The following RAD54L2 variants were observed in gnomAD, a reference collection of about 807,000 sequenced individuals.
RAD54L2 encodes the protein helicase ARIP4.
Under a neutral mutation model 138.4 loss-of-function variants are expected in RAD54L2, and 27 were observed. The ratio of observed to expected loss-of-function variants is 0.20; its 90% confidence interval spans 0.14 to 0.27. The LOEUF (loss-of-function observed/expected upper bound fraction) is 0.27. Among genes scored for constraint, RAD54L2 ranks in the 10% least tolerant of loss-of-function variants. The pLI, the probability that RAD54L2 is intolerant of heterozygous loss-of-function variation, is 1.00. For synonymous variants in RAD54L2, 644 were observed against 723.2 expected (o/e 0.89, Z 1.76); for missense variants, 1,396 against 1,890.2 (o/e 0.74, Z 4.85).
chr3:51,656,302 G>T, intron 20 of RAD54L2, 132 bp downstream of exon 20: 1 of 774,500 alleles, frequency 1.3e-6, no homozygotes. Flanking sequence ...AAAAAATAGG[G>T]AAGACAACAG....
At position 51,657,604 on chromosome 3, in the gene RAD54L2, G is replaced by A; in HGVS notation, c.3251G>A (p.Ser1084Asn). ...GATATTGTTATTCCTGGACTCAACA[G>A]CTCCACAGATGTACAGGCAAGAATT... is the stretch of plus-strand genomic sequence containing the variant. ...TTDIVIPGLN[S>N]STDVQARINA... Residue 1084 changes from serine (S) to asparagine (N), a missense_variant, in exon 21 of 23, where the codon AGC becomes AAC. By Grantham distance (46) the Ser-to-Asn change is conservative. Transcript: ENST00000684192. 6.3e-7 allele frequency: 1 copy of A among 1,581,256 alleles called. No homozygotes were observed. The highest frequency in any genetic ancestry group is 8.6e-7 in the Non-Finnish European group (1 of 1,160,380).
intron 2 of RAD54L2, among the ~76,000 whole-genome samples, chr3:51,564,552 C>A (rs1048873224): frequency 1.3e-5 from 2 of 152,128 alleles, no homozygotes; most frequent in African/African-American, 4.8e-5. Flanking sequence ...CTAAATAAGG[C>A]AAATCAGTAT....
At chr3:51,556,921 C>T (rs1698983037) in intron 2 of RAD54L2, among the ~76,000 whole-genome samples, 2 of 152,162 alleles carry the variant, frequency 1.3e-5, no homozygotes, top group African/African-American at 2.4e-5. Flanking sequence ...TCCTGCATTC[C>T]TCCTGAGCAA....
intron 2 of RAD54L2, among the ~76,000 whole-genome samples, chr3:51,556,582 C>A (rs949193585): frequency 6.4e-4 from 39 of 61,192 alleles, no homozygotes; most frequent in South Asian, 1.6e-3. Context: ...TTATCTATCT[C>A]TCTTTTTTTT....
At position 51,657,563 on chromosome 3, in the gene RAD54L2, A is replaced by G; in HGVS notation, c.3227-17A>G. ...AGGCCCCGTGCAATCTAAATTTAAG[A>G]TCTGTGTTTTTCCTAGATATTGTTA... On this transcript the variant is annotated splice_polypyrimidine_tract_variant and intron_variant, in intron 20 of 22. Coordinates refer to ENST00000684192, the MANE Select transcript of RAD54L2 (RefSeq NM_015106.4). 1 of 1,503,012 alleles carries G rather than the reference A, an allele frequency of 6.7e-7. No individual in the cohort carries two copies. Among genetic ancestry groups the G allele is most frequent in the Non-Finnish European group, 9.1e-7 (1 of 1,098,978 alleles). The allele number at this position is 1,503,012 out of a possible 1,614,324, so 93.1% of individuals were successfully genotyped here.
At chr3:51,661,751 A>G (rs957866184) in intron 22 of RAD54L2, among the ~76,000 whole-genome samples, 1 of 152,190 alleles carries the variant, frequency 6.6e-6, no homozygotes, top group African/African-American at 2.4e-5. Context: ...CCTAGATTTA[A>G]TGATGGTTAG....
chr3:51,663,409 A>G lies in RAD54L2; in HGVS notation c.4393A>G (p.Thr1465Ala). 1 of 1,610,204 alleles carries G rather than the reference A, an allele frequency of 6.2e-7. No individual in the cohort carries two copies. Reference sequence around the variant, plus strand: ...TAAAGACGATGATGTGATAGAGGTCACTGGGAAATAGCTAGGGAGCCCCTC... The same window carrying G: ...TAAAGACGATGATGTGATAGAGGTCGCTGGGAAATAGCTAGGGAGCCCCTC... ...EDKDDDVIEV[T>A]GK The change falls in exon 23 of 23, where the codon ACT (threonine) becomes GCT (alanine). Residue 1465 changes from threonine (T) to alanine (A), a missense_variant. Thr to Ala is a moderately conservative substitution (Grantham distance 58, BLOSUM62 0). Coordinates refer to ENST00000684192, the MANE Select transcript of RAD54L2 (RefSeq NM_015106.4).
intron 3 of RAD54L2, among the ~76,000 whole-genome samples, chr3:51,596,637 T>TG (rs1190959420): frequency 2.6e-5 from 4 of 152,332 alleles, no homozygotes; most frequent in East Asian, 1.9e-4. Context: ...CACTACCACT[T>TG]GCATTTCTTT....
At chr3:51,583,586 ATTT>A (rs34377858) in intron 2 of RAD54L2, among the ~76,000 whole-genome samples, 3 of 132,044 alleles carry the variant, frequency 2.3e-5, no homozygotes, top group African/African-American at 2.8e-5. Context: ...CGCCCAGCTA[ATTT>A]TTTTTTTTTT....
chr3:51,596,136 T>G (rs1699958465), intron 3 of RAD54L2, among the ~76,000 whole-genome samples: 1 of 1,476 alleles, frequency 6.8e-4, no homozygotes, highest in South Asian at 0.042. Flanking sequence ...CCATGTTGGC[T>G]GGGCTGGTCT....
intron 2 of RAD54L2, among the ~76,000 whole-genome samples, chr3:51,587,971 G>C (rs1409207210): frequency 6.6e-6 from 1 of 151,888 alleles, no homozygotes; most frequent in Non-Finnish European, 1.5e-5. Flanking sequence ...CACTTTGGGA[G>C]GTCAGGAGAT....
chr3:51,591,484 G>A (rs6445813), intron 3 of RAD54L2, among the ~76,000 whole-genome samples: 152,284 of 152,286 alleles, frequency 1, 76,141 homozygotes, highest in Middle Eastern at 1. Context: ...GTCTTTACTG[G>A]TGTTTACTAT....
At chr3:51,600,157 T>C (rs1700049565) in intron 3 of RAD54L2, among the ~76,000 whole-genome samples, 1 of 151,990 alleles carries the variant, frequency 6.6e-6, no homozygotes, top group African/African-American at 2.4e-5. Flanking sequence ...CTGGCCAGGC[T>C]GGTCTTGAAC....
chr3:51,650,858 A>G (rs1057333505), intron 19 of RAD54L2, among the ~76,000 whole-genome samples: 1 of 152,220 alleles, frequency 6.6e-6, no homozygotes, highest in African/African-American at 2.4e-5. Flanking sequence ...TCAACACCCT[A>G]ACATCCCAAT....
Position 51,657,580 on chromosome 3 carries a change from A to T in RAD54L2, c.3227A>T (p.Asp1076Val). 1 of 1,554,714 alleles carries T rather than the reference A, an allele frequency of 6.4e-7. No individual in the cohort carries two copies. The highest frequency in any genetic ancestry group is 8.8e-7 in the Non-Finnish European group (1 of 1,141,046). ...AATTTAAGATCTGTGTTTTTCCTAGATATTGTTATTCCTGGACTCAACAGC... is the reference window on the plus strand; with the variant it reads ...AATTTAAGATCTGTGTTTTTCCTAGTTATTGTTATTCCTGGACTCAACAGC... ...VLVQKVVTTT[D>V]IVIPGLNSST... Residue 1076 changes from aspartate to valine, a missense_variant and splice_region_variant, in exon 21 of 23, where the codon GAT becomes GTT. Asp to Val is a radical substitution (Grantham distance 152). This residue lies in a region of RAD54L2 where 634 missense variants were observed against 711.2 expected (regional missense o/e 0.89). Coordinates refer to ENST00000684192, the MANE Select transcript of RAD54L2 (RefSeq NM_015106.4).
At chr3:51,608,653 C>T (rs1365358421) in intron 3 of RAD54L2, among the ~76,000 whole-genome samples, 2 of 152,300 alleles carry the variant, frequency 1.3e-5, no homozygotes, top group South Asian at 2.1e-4. Flanking sequence ...GGCGAAACCC[C>T]GTCTCCACCA....
At chr3:51,610,658 CAG>C (rs945655765) in intron 3 of RAD54L2, among the ~76,000 whole-genome samples, 3 of 143,116 alleles carry the variant, frequency 2.1e-5, no homozygotes. Flanking sequence ...AAAAAAAAAA[CAG>C]AAAGAATGAA....
chr3:51,587,624 A>G (rs935170773), intron 2 of RAD54L2, among the ~76,000 whole-genome samples: 3 of 152,162 alleles, frequency 2.0e-5, no homozygotes, highest in African/African-American at 4.8e-5. Context: ...TACATGAACC[A>G]TCTGCACACA....
intron 3 of RAD54L2, among the ~76,000 whole-genome samples, chr3:51,606,152 A>C (rs1035358808): frequency 6.6e-6 from 1 of 152,156 alleles, no homozygotes; most frequent in Non-Finnish European, 1.5e-5. Flanking sequence ...AGAGGTGAGC[A>C]ATCAAAAGAA....
Sources: gnomAD v4.1 joint callset for allele counts (sites outside exome capture counted in the v4.1 genomes callset) on GRCh38, gnomAD v4.1.1 for gene constraint, gnomAD v4.1.1 regional missense constraint, MANE v1.5 for transcripts, NCBI Gene and HGNC (gene_info 2026-07-23, HGNC 2026-07-21) for gene names.